Variants in UPRT observed in about 807,000 individuals in gnomAD.
UPRT encodes uracil phosphoribosyltransferase homolog.
A neutral mutation model predicts 22.6 loss-of-function variants in UPRT; 5 were observed. The observed-to-expected ratio is 0.22, with a 90% CI of 0.12 to 0.47. UPRT has a LOEUF of 0.47. UPRT is among the 20% of genes least tolerant of loss of function. The pLI, the probability that UPRT is intolerant of heterozygous loss-of-function variation, is 0.99. For synonymous variants in UPRT, 77 were observed against 87.7 expected, an observed-to-expected ratio of 0.88 and a Z score of 0.68; for missense variants, 181 against 239.9, an observed-to-expected ratio of 0.75 and a Z score of 1.62.
chrX:75,206,442 G>A lies in UPRT; in HGVS notation c.-447+38563G>A, dbSNP rs773660576. 2.7e-5 allele frequency among the ~76,000 whole-genome samples: 3 copies of A among 110,868 alleles called. No individual in the cohort carries two copies. The South Asian group carries it at 1.2e-3, about 43-fold the overall frequency. Reference sequence around the variant, plus strand: ...CTTAGTAATATCTTTGAGATTGGCAGCCATGGTGGGAGAATCTATACAAGT... The same window carrying A: ...CTTAGTAATATCTTTGAGATTGGCAACCATGGTGGGAGAATCTATACAAGT... On this transcript the variant is annotated intron_variant, in intron 4 of 13. Coordinates refer to the UPRT transcript ENST00000652605.
At chrX:75,191,173 T>C (rs1012577591) in intron 4 of UPRT, among the ~76,000 whole-genome samples, 9 of 112,640 alleles carry the variant, frequency 8.0e-5, no homozygotes, top group Non-Finnish European at 1.5e-4. Flanking sequence ...ATGTCCTTTC[T>C]GTTTGTTAGT....
intron 4 of UPRT, among the ~76,000 whole-genome samples, chrX:75,208,992 G>A (rs147382010): frequency 2.1e-4 from 24 of 111,802 alleles, no homozygotes; most frequent in Middle Eastern, 4.6e-3. Context: ...GTATGGAGGC[G>A]TGGAATTTAC....
chrX:75,164,244 C>T (rs1223950238), intron 3 of UPRT, among the ~76,000 whole-genome samples: 1 of 111,789 alleles, frequency 8.9e-6, no homozygotes, highest in Non-Finnish European at 1.9e-5. Flanking sequence ...CATGCACACG[C>T]ATGCTTTCTT....
At chrX:75,236,158 A>T (rs1279806254) in intron 4 of UPRT, among the ~76,000 whole-genome samples, 1 of 111,605 alleles carries the variant, frequency 9.0e-6, no homozygotes, top group Non-Finnish European at 1.9e-5. Flanking sequence ...TCAACAGCAG[A>T]GAAACAGAGA....
intron 4 of UPRT, among the ~76,000 whole-genome samples, chrX:75,246,454 A>G (rs2082506729): frequency 9.1e-6 from 1 of 110,408 alleles, no homozygotes; most frequent in African/African-American, 3.3e-5. Context: ...TTGTGGCTGC[A>G]TAGTATTCCA....
rs1344063722 is a variant in UPRT at position 75,234,980 on chromosome X, A to G, written c.-446-56044A>G. Among the ~76,000 whole-genome samples, 21 of 112,014 alleles carry G rather than the reference A, an allele frequency of 1.9e-4. 1 individual carries two copies. The highest frequency in any genetic ancestry group is 1.9e-3 in the South Asian group (5 of 2,681). Reference sequence around the variant, plus strand: ...ATAGAGACACAAAAAACCCTTCAAAAAATCAATGAATCCAGGAGCTGGTTT... The same window carrying G: ...ATAGAGACACAAAAAACCCTTCAAAGAATCAATGAATCCAGGAGCTGGTTT... On this transcript the variant is annotated intron_variant, in intron 4 of 13. Coordinates refer to the UPRT transcript ENST00000652605.
At chrX:75,273,101 C>T (rs1350749868), upstream of UPRT, among the ~76,000 whole-genome samples, 2 of 111,355 alleles carry the variant, frequency 1.8e-5, no homozygotes, top group Non-Finnish European at 3.8e-5. Flanking sequence ...TGCATGTTCT[C>T]ACTTATAAGT....
At chrX:75,164,891 T>A (rs2082208891) in intron 3 of UPRT, among the ~76,000 whole-genome samples, 1 of 111,954 alleles carries the variant, frequency 8.9e-6, no homozygotes, top group Non-Finnish European at 1.9e-5. Flanking sequence ...ATACTCTCCC[T>A]AAGTGAATAA....
At chrX:75,224,174 C>T (rs900655485) in intron 4 of UPRT, among the ~76,000 whole-genome samples, 7 of 111,222 alleles carry the variant, frequency 6.3e-5, no homozygotes, top group Non-Finnish European at 9.4e-5. Flanking sequence ...TCTCTAATCA[C>T]GCTTTACTTT....
chrX:75,222,746 C>T (rs1323686374), intron 4 of UPRT, among the ~76,000 whole-genome samples: 1 of 110,882 alleles, frequency 9.0e-6, no homozygotes, highest in Non-Finnish European at 1.9e-5. Flanking sequence ...GGGCTTACCT[C>T]TGGCCCAATG....
At chrX:75,188,795 G>T (rs906997065) in intron 4 of UPRT, among the ~76,000 whole-genome samples, 3 of 111,975 alleles carry the variant, frequency 2.7e-5, no homozygotes, top group African/African-American at 9.7e-5. Context: ...TCCAGGTGCC[G>T]TCTGTCACCC....
intron 4 of UPRT, among the ~76,000 whole-genome samples, chrX:75,226,422 T>A (rs1032053564): frequency 3.6e-5 from 4 of 111,916 alleles, no homozygotes; most frequent in Non-Finnish European, 5.6e-5. Context: ...AGTTATGTTC[T>A]CACAATGTCC....
chrX:75,179,009 C>T (rs28891841), intron 4 of UPRT, among the ~76,000 whole-genome samples: 1,485 of 111,424 alleles, frequency 0.013, 17 homozygotes, highest in African/African-American at 0.046. Context: ...AAAGGTTCTC[C>T]ACATCCTTTT....
intron 5 of UPRT, 97 bp from the exon 6 acceptor site, chrX:75,300,770 G>A (rs1164462353): frequency 9.3e-6 from 6 of 645,249 alleles, no homozygotes; most frequent in Non-Finnish European, 1.4e-5. Flanking sequence ...CTGAGTGACA[G>A]AGTGATTCCC....
At chrX:75,185,515 T>A (rs1295974352) in intron 4 of UPRT, among the ~76,000 whole-genome samples, 1 of 112,071 alleles carries the variant, frequency 8.9e-6, no homozygotes, top group Non-Finnish European at 1.9e-5. Context: ...GGCTTTGGTA[T>A]CAGAATGATG....
intron 4 of UPRT, among the ~76,000 whole-genome samples, chrX:75,256,609 G>A (rs2082550470): frequency 9.0e-6 from 1 of 111,017 alleles, no homozygotes; most frequent in South Asian, 3.7e-4. Context: ...AAATAAAATC[G>A]ATAGGTCGTT....
chrX:75,262,637 A>T (rs1426982837), intron 4 of UPRT, among the ~76,000 whole-genome samples: 4 of 111,257 alleles, frequency 3.6e-5, no homozygotes, highest in Non-Finnish European at 7.5e-5. Flanking sequence ...CAAACAAAAA[A>T]CTGCAGGGGT....
intron 4 of UPRT, among the ~76,000 whole-genome samples, chrX:75,267,663 G>A (rs1241460198): frequency 8.9e-6 from 1 of 111,871 alleles, no homozygotes; most frequent in Non-Finnish European, 1.9e-5. Flanking sequence ...AATGACTACT[G>A]GGTAAATAAC....
At chrX:75,235,814 A>G (rs1299893985) in intron 4 of UPRT, among the ~76,000 whole-genome samples, 1 of 111,800 alleles carries the variant, frequency 8.9e-6, no homozygotes, top group African/African-American at 3.3e-5. Flanking sequence ...AATAAGAGCT[A>G]TCTATGACAA....
Sources: gnomAD v4.1 joint callset for allele counts (sites outside exome capture counted in the v4.1 genomes callset) on GRCh38, gnomAD v4.1.1 for gene constraint, MANE v1.5 for transcripts, NCBI Gene and HGNC (gene_info 2026-07-23, HGNC 2026-07-21) for gene names.